Variants in MOGAT2 observed in about 807,000 individuals in gnomAD.
MOGAT2 encodes the protein 2-acylglycerol O-acyltransferase 2.
A neutral mutation model predicts 31.5 loss-of-function variants in MOGAT2; 27 were observed. The ratio of observed to expected loss-of-function variants is 0.86; its 90% CI spans 0.63 to 1.18. MOGAT2 has a LOEUF of 1.18. Among genes scored for constraint, MOGAT2 ranks in the 50% most tolerant of loss-of-function variants. MOGAT2 has a pLI of 0.00. For missense variants in MOGAT2, 436 were observed against 433.2 expected (o/e 1.01, Z -0.06); for synonymous variants, 163 against 170.0 (o/e 0.96, Z 0.32).
intron 4 of MOGAT2, chr11:75,728,472 A>G (rs1274842374): frequency 5.5e-6 from 3 of 547,196 alleles, no homozygotes; most frequent in Non-Finnish European, 3.3e-6. Context: ...TCCTTGAGAA[A>G]CATGAGCCAG....
chr11:75,719,851 G>A, intron 1 of MOGAT2, 141 bp from the exon 2 acceptor site: 1 of 779,496 alleles, frequency 1.3e-6, no homozygotes, highest in African/African-American at 1.7e-5. Flanking sequence ...TGCCCCGGAA[G>A]CTGCTGTCTT....
intron 3 of MOGAT2, 123 bp from the exon 4 acceptor site, chr11:75,727,847 G>A (rs561101587): frequency 1.1e-5 from 12 of 1,116,702 alleles, no homozygotes; most frequent in Non-Finnish European, 1.4e-5. Context: ...CTGGAATGGG[G>A]TGCAGTGGGG....
At chr11:75,721,510 C>T (rs981637535) in intron 2 of MOGAT2, among the ~76,000 whole-genome samples, 13 of 152,152 alleles carry the variant, frequency 8.5e-5, no homozygotes, top group Admixed American at 2.0e-4. Flanking sequence ...CTCGAACTCC[C>T]GACCTTAGGT....
rs183052760 is a variant in MOGAT2 at position 75,717,914 on chromosome 11, T to G, written c.26T>G (p.Met9Arg). 1 of 1,614,214 alleles carries G rather than the reference T, an allele frequency of 6.2e-7. No individual in the cohort carries two copies. Among genetic ancestry groups the G allele is most frequent in the East Asian group, 2.2e-5 (1 of 44,878 alleles). MVEFAPLF[M>R]PWERRLQTLA... ...ATGGTAGAGTTCGCGCCCTTGTTTA[T>G]GCCGTGGGAGCGCAGGCTGCAGACA... is the stretch of plus-strand genomic sequence containing the variant. The change falls in exon 1 of 6, where the codon ATG becomes AGG. Residue 9 changes from methionine (M) to arginine (R), a missense_variant. By Grantham distance (91) the Met-to-Arg change is moderately conservative (BLOSUM62 -1). Coordinates refer to ENST00000198801, the MANE Select transcript of MOGAT2 (RefSeq NM_025098.4).
At chr11:75,727,661 C>A in intron 3 of MOGAT2, 22 bp downstream of exon 3, 1 of 1,605,528 alleles carries the variant, frequency 6.2e-7, no homozygotes, top group Non-Finnish European at 8.5e-7. Context: ...TACCCCTGAG[C>A]AGCTCAGGAA....
intron 5 of MOGAT2, among the ~76,000 whole-genome samples, chr11:75,729,309 T>G (rs1458466620): frequency 6.6e-6 from 1 of 152,226 alleles, no homozygotes; most frequent in Non-Finnish European, 1.5e-5. Context: ...AGTTTTGCTC[T>G]TGTCGCTCAG....
At chr11:75,721,240 G>A (rs1011187639) in intron 2 of MOGAT2, among the ~76,000 whole-genome samples, 1 of 152,120 alleles carries the variant, frequency 6.6e-6, no homozygotes, top group African/African-American at 2.4e-5. Context: ...TACCTCACTG[G>A]GTTGTGTAGA....
intron 5 of MOGAT2, among the ~76,000 whole-genome samples, chr11:75,729,416 A>T (rs936127463): frequency 6.6e-6 from 1 of 152,140 alleles, no homozygotes; most frequent in African/African-American, 2.4e-5. Context: ...CTGGGACTAC[A>T]GTCGCTCGCC....
At position 75,720,143 on chromosome 11, in the gene MOGAT2, G is replaced by A. The variant is rs1944365261; in HGVS notation, c.243G>A (p.Lys81=). Residue 81 remains lysine (K), a synonymous_variant, in exon 2 of 6, where the codon AAG becomes AAA. Coordinates refer to ENST00000198801, the MANE Select transcript of MOGAT2 (RefSeq NM_025098.4). ...IQAIRCWTIW[K]YMKDYFPISL... Reference sequence around the variant, plus strand: ...CCATCAGGTGCTGGACTATATGGAAGTACATGAAGGACTATTTCCCCATCT... The same window carrying A: ...CCATCAGGTGCTGGACTATATGGAAATACATGAAGGACTATTTCCCCATCT... 2 of 1,613,914 alleles carry A rather than the reference G, an allele frequency of 1.2e-6. No homozygotes were observed. The highest frequency in any genetic ancestry group is 1.7e-6 in the Non-Finnish European group (2 of 1,179,918).
At position 75,727,662 on chromosome 11, in the gene MOGAT2, A is replaced by G. The variant is rs776817929; in HGVS notation, c.475+23A>G. The G allele has an allele frequency of 5.0e-6, 8 of 1,593,112 alleles. No individual in the cohort carries two copies. The South Asian group carries it at 8.9e-5, about 18-fold the overall frequency. ...CAGGTGAGTCTTTCTACCCCTGAGC[A>G]GCTCAGGAAGGTAACAAATTTTCGG... On this transcript the variant is annotated intron_variant, in intron 3 of 5. Coordinates refer to ENST00000198801, the MANE Select transcript of MOGAT2 (RefSeq NM_025098.4).
intron 2 of MOGAT2, among the ~76,000 whole-genome samples, chr11:75,721,879 C>T (rs755740895): frequency 2.2e-4 from 33 of 152,162 alleles, no homozygotes; most frequent in Admixed American, 4.6e-4. Flanking sequence ...GGGGTTCCTG[C>T]CTTGCTCCCT....
chr11:75,726,929 A>C (rs1042191253), intron 2 of MOGAT2, among the ~76,000 whole-genome samples: 1 of 152,100 alleles, frequency 6.6e-6, no homozygotes, highest in Non-Finnish European at 1.5e-5. Context: ...ACCTCAGGTC[A>C]CCCACCCGCC....
chr11:75,719,877 G>T, intron 1 of MOGAT2, 115 bp from the exon 2 acceptor site: 1 of 1,029,442 alleles, frequency 9.7e-7, no homozygotes, highest in Non-Finnish European at 1.4e-6. Context: ...TGGGCCCGAG[G>T]ATTGGACAGG....
intron 5 of MOGAT2, 134 bp downstream of exon 5, chr11:75,729,123 C>T: frequency 1.3e-6 from 1 of 795,686 alleles, no homozygotes; most frequent in Admixed American, 2.3e-5. Flanking sequence ...GAAACATACA[C>T]ACACAAGCAG....
At chr11:75,728,322 A>G (rs1944441350) in intron 4 of MOGAT2, 178 bp downstream of exon 4, 1 of 754,644 alleles carries the variant, frequency 1.3e-6, no homozygotes, top group South Asian at 1.5e-5. Context: ...AGTTTCCACA[A>G]CGGAGACTCA....
intron 3 of MOGAT2, 133 bp from the exon 4 acceptor site, chr11:75,727,837 C>G (rs1335196180): frequency 2.0e-5 from 21 of 1,072,872 alleles, no homozygotes; most frequent in Non-Finnish European, 2.8e-5. Context: ...GAGCTCCTAG[C>G]TGGAATGGGG....
In MOGAT2 at chr11:75,717,850, A is replaced by G. The variant is rs1944342424; in HGVS notation, c.-39A>G. On this transcript the variant is annotated 5_prime_UTR_variant, in exon 1 of 6. Transcript: ENST00000198801. The stretch of plus-strand genomic sequence containing the variant: ...CTGTGGGTGCCTCAGACCACAGCAG[A>G]GCTCACAGAACCTGCGGGAGCCAGG... 2 of 1,600,570 alleles carry G rather than the reference A, an allele frequency of 1.2e-6. No individual in the cohort carries two copies. Among genetic ancestry groups the G allele is most frequent in the Non-Finnish European group, 1.7e-6 (2 of 1,169,292 alleles).
At chr11:75,724,680 A>G (rs1405706387) in intron 2 of MOGAT2, among the ~76,000 whole-genome samples, 1 of 152,020 alleles carries the variant, frequency 6.6e-6, no homozygotes, top group Non-Finnish European at 1.5e-5. Context: ...AAATTCAAAA[A>G]CAGACCAAAG....
In MOGAT2 at chr11:75,728,127, G is replaced by C; in HGVS notation, c.633G>C (p.Arg211Ser). 6.2e-7 allele frequency: 1 copy of C among 1,613,480 alleles called. No homozygotes were observed. Among genetic ancestry groups the C allele is most frequent in the South Asian group, 1.1e-5 (1 of 90,980 alleles). ...LLLRNRKGFV[R>S]LALTHGAPLV... ...TGCGGAACCGAAAGGGCTTCGTCAG[G>C]CTCGCCCTGACACACGGGTATCAAG... The change falls in exon 4 of 6, where the codon AGG becomes AGC. Residue 211 changes from arginine to serine, a missense_variant. By Grantham distance (110) the Arg-to-Ser change is moderately radical. Coordinates refer to ENST00000198801, the MANE Select transcript of MOGAT2 (RefSeq NM_025098.4).
Sources: gnomAD v4.1 joint callset for allele counts (sites outside exome capture counted in the v4.1 genomes callset) on GRCh38, gnomAD v4.1.1 for gene constraint, MANE v1.5 for transcripts, NCBI Gene and HGNC (gene_info 2026-07-23, HGNC 2026-07-21) for gene names.